FBXO39: variants seen among roughly 807,000 people sequenced by gnomAD.
FBXO39 encodes F-box protein 39.
FBXO39 carries 22 observed loss-of-function variants against 36.6 expected under a neutral mutation model. That is an observed-to-expected ratio of 0.60 (90% CI 0.43 to 0.86). FBXO39 has a LOEUF of 0.86. Ranked by LOEUF, FBXO39 falls within the 40% of genes least tolerant of loss-of-function variation. The pLI is 0.00. For synonymous variants in FBXO39, 206 were observed against 205.8 expected (o/e 1.00, Z -0.01); for missense variants, 536 against 543.9 (o/e 0.99, Z 0.14).
intron 2 of FBXO39, 86 bp downstream of exon 2, chr17:6,780,977 C>A: frequency 7.2e-6 from 10 of 1,380,366 alleles, no homozygotes; most frequent in Non-Finnish European, 9.8e-6. Context: ...CTTGGCTAGG[C>A]TCCCAAATGT....
At chr17:6,781,812 AT>A (rs1288336934) in intron 2 of FBXO39, among the ~76,000 whole-genome samples, 1 of 152,178 alleles carries the variant, frequency 6.6e-6, no homozygotes, top group East Asian at 1.9e-4. Flanking sequence ...AAGCCCCCAA[AT>A]TCCATTAACA....
rs1230505560 is a variant in FBXO39, at chr17:6,777,062, A to G, written c.-81+790A>G. 2.6e-5 allele frequency among the ~76,000 whole-genome samples: 4 copies of G among 152,122 alleles called. No homozygotes were observed. The East Asian group carries it at 7.7e-4, about 29-fold the overall frequency. On this transcript the variant is annotated intron_variant, in intron 1 of 3. Transcript: ENST00000321535. ...ACTTTTCCTGACCTACAACCTTGCT[A>G]GGCCAAAAGGTTTCATGGAGCTTTT...
intron 1 of FBXO39, among the ~76,000 whole-genome samples, chr17:6,777,927 A>G (rs1284275310): frequency 6.6e-6 from 1 of 152,194 alleles, no homozygotes; most frequent in Non-Finnish European, 1.5e-5. Context: ...AGCTGGAGAC[A>G]GGGGCCAAAT....
rs780415756 is a variant in FBXO39, at chr17:6,780,222, T to C, written c.354T>C (p.Cys118=). 3.1e-6 allele frequency: 5 copies of C among 1,614,200 alleles called. No individual in the cohort carries two copies. Among genetic ancestry groups the C allele is most frequent in the Non-Finnish European group, 4.2e-6 (5 of 1,180,030 alleles). The change falls in exon 2 of 4, where the codon TGT becomes TGC. Residue 118 remains cysteine, a synonymous_variant. Transcript: ENST00000321535. The part of the protein sequence containing the change: ...FQVTMRGLLS[C]LSKSNNRLKS... ...TCACCATGCGGGGCCTCCTGTCTTG[T>C]CTGAGTAAGAGCAACAACCGTCTGA...
intron 1 of FBXO39, among the ~76,000 whole-genome samples, chr17:6,777,226 AT>A (rs762314343): frequency 7.2e-5 from 11 of 151,972 alleles, no homozygotes; most frequent in Non-Finnish European, 1.5e-4. Context: ...CCCCGCATGC[AT>A]TAGGTATTTG....
intron 2 of FBXO39, among the ~76,000 whole-genome samples, chr17:6,781,881 A>G (rs1303987258): frequency 6.6e-6 from 1 of 152,218 alleles, no homozygotes; most frequent in Non-Finnish European, 1.5e-5. Context: ...AGAAAAAGGC[A>G]TTAATGAGCA....
At chr17:6,777,719 GGGTGT>G (rs1244735622) in intron 1 of FBXO39, among the ~76,000 whole-genome samples, 2 of 152,164 alleles carry the variant, frequency 1.3e-5, no homozygotes, top group Non-Finnish European at 2.9e-5. Flanking sequence ...GGTTGTCAAG[GGGTGT>G]GTGGGTCCCT....
rs1456666166 is a variant in FBXO39, at chr17:6,779,879, A to G, written c.11A>G (p.Glu4Gly). MDE[E>G]SELIQPQDQS... ...CATCCCAGTTCCTGGATGGACGAAG[A>G]AAGTGAACTGATCCAGCCCCAAGAC... The change falls in exon 2 of 4, where the codon GAA becomes GGA. Residue 4 changes from glutamate (E) to glycine (G), a missense_variant. Glu to Gly is a moderately conservative substitution (Grantham distance 98). Transcript: ENST00000321535. The G allele has an allele frequency of 2.5e-6, 4 of 1,613,996 alleles. No individual in the cohort carries two copies. The African/African-American group carries it at 5.3e-5, about 22-fold the overall frequency.
chr17:6,783,222 A>G (rs1291348929), intron 2 of FBXO39, among the ~76,000 whole-genome samples: 1 of 152,126 alleles, frequency 6.6e-6, no homozygotes, highest in Non-Finnish European at 1.5e-5. Context: ...GAAACAAACA[A>G]TATGCAGACA....
intron 2 of FBXO39, among the ~76,000 whole-genome samples, chr17:6,786,291 A>G (rs575601084): frequency 1.3e-5 from 2 of 152,212 alleles, no homozygotes; most frequent in Admixed American, 6.5e-5. Context: ...GGAGCTAAAA[A>G]TTAAAACAAT....
intron 2 of FBXO39, among the ~76,000 whole-genome samples, chr17:6,783,504 T>G (rs1027321739): frequency 2.8e-4 from 42 of 151,446 alleles, no homozygotes; most frequent in African/African-American, 9.9e-4. Context: ...TAACAAACCA[T>G]TAGCAAAAAT....
intron 1 of FBXO39, among the ~76,000 whole-genome samples, chr17:6,776,617 A>G (rs1446500936): frequency 6.6e-6 from 1 of 152,142 alleles, no homozygotes; most frequent in Non-Finnish European, 1.5e-5. Flanking sequence ...TATTTGTGAA[A>G]TGGATGTGTT....
chr17:6,777,592 G>C (rs1976448121), intron 1 of FBXO39, among the ~76,000 whole-genome samples: 1 of 152,214 alleles, frequency 6.6e-6, no homozygotes, highest in East Asian at 1.9e-4. Context: ...CCTTTTAGGA[G>C]CTTTGCTTGG....
chr17:6,786,696 C>A, intron 2 of FBXO39, 84 bp from the exon 3 acceptor site: 1 of 1,208,262 alleles, frequency 8.3e-7, no homozygotes, highest in Non-Finnish European at 1.2e-6. Context: ...AGGCCCAGAG[C>A]CAGGTCGTGG....
At position 6,779,816 on chromosome 17, in the gene FBXO39, A is replaced by G; in HGVS notation, c.-53A>G. ...AGCAAGTGATTGCTTTCCTTTCCTC[A>G]TTTTTGGAAGCCCTGCCTAACACAC... On this transcript the variant is annotated 5_prime_UTR_variant, in exon 2 of 4. Transcript: ENST00000321535. 6.5e-7 allele frequency: 1 copy of G among 1,549,040 alleles called. No individual in the cohort carries two copies. Among genetic ancestry groups the G allele is most frequent in the South Asian group, 1.2e-5 (1 of 83,646 alleles).
In FBXO39 at chr17:6,780,168, C is replaced by T; in HGVS notation, c.300C>T (p.Tyr100=). 2.5e-6 allele frequency: 4 copies of T among 1,614,186 alleles called. No homozygotes were observed. Among genetic ancestry groups the T allele is most frequent in the Middle Eastern group, 1.6e-4 (1 of 6,062 alleles). The part of the protein sequence containing the change: ...EHLEVKFMNP[Y]NAVLTKKFQV... ...TGGAGGTCAAATTCATGAATCCTTA[C>T]AATGCTGTCTTGACCAAGAAGTTCC... is the stretch of plus-strand genomic sequence containing the variant. Residue 100 remains tyrosine (Y), a synonymous_variant, in exon 2 of 4, where the codon TAC becomes TAT. Transcript: ENST00000321535.
chr17:6,786,632 G>A (rs966312884), intron 2 of FBXO39, 148 bp from the exon 3 acceptor site: 1 of 622,084 alleles, frequency 1.6e-6, no homozygotes. Context: ...ATGTACCTAT[G>A]TACCACAAAA....
chr17:6,777,940 G>A (rs1036240201), intron 1 of FBXO39, among the ~76,000 whole-genome samples: 1 of 152,224 alleles, frequency 6.6e-6, no homozygotes, highest in Admixed American at 6.5e-5. Flanking sequence ...GGCCAAATCA[G>A]TGAGTGGGTG....
At position 6,787,520 on chromosome 17, in the gene FBXO39, C is replaced by A; in HGVS notation, c.*92C>A. On this transcript the variant is annotated 3_prime_UTR_variant, in exon 4 of 4. Transcript: ENST00000321535. ...CACTTGGGCACTGCCGGCCCTTTTG[C>A]TCCTCTCTCTCCCCTCCACTTTTTT... The A allele has an allele frequency of 6.8e-7, 1 of 1,466,592 alleles. No individual in the cohort carries two copies. Among genetic ancestry groups the A allele is most frequent in the Non-Finnish European group, 9.2e-7 (1 of 1,083,840 alleles). The allele number at this position is 1,466,592 out of a possible 1,614,324, so 90.8% of individuals were successfully genotyped here.
Sources: allele counts gnomAD v4.1 joint callset (sites outside exome capture counted in the v4.1 genomes callset), GRCh38; gene constraint gnomAD v4.1.1; transcripts MANE v1.5; gene names NCBI Gene and HGNC (gene_info 2026-07-23, HGNC 2026-07-21).